ARHGAP32: variants seen among roughly 807,000 people sequenced by gnomAD.
ARHGAP32 encodes the protein Rho GTPase activating protein 32, also known as rho GTPase-activating protein 32.
In ARHGAP32, 51 loss-of-function variants were observed where a neutral mutation model predicts 186.5. The observed-to-expected ratio is 0.27, with a 90% CI of 0.22 to 0.35. The LOEUF (loss-of-function observed/expected upper bound fraction) is 0.35, where lower values mean the gene tolerates loss of function less well. Among genes scored for constraint, ARHGAP32 ranks in the 10% least tolerant of loss-of-function variants. ARHGAP32 has a pLI of 1.00. For missense variants in ARHGAP32, 2,186 were observed against 2,623.5 expected (o/e 0.83, Z 3.64); for synonymous variants, 950 against 964.3 (o/e 0.99, Z 0.27).
intron 1 of ARHGAP32, among the ~76,000 whole-genome samples, chr11:129,236,532 G>A (rs899804105): frequency 6.6e-6 from 1 of 152,104 alleles, no homozygotes; most frequent in African/African-American, 2.4e-5. Context: ...TCTGTTTGCT[G>A]ATTATTTCTT....
At chr11:129,022,279 T>C (rs1345536546) in intron 11 of ARHGAP32, among the ~76,000 whole-genome samples, 2 of 152,152 alleles carry the variant, frequency 1.3e-5, no homozygotes, top group Non-Finnish European at 2.9e-5. Flanking sequence ...TGTAATCACA[T>C]GTACTTTAAT....
intron 6 of ARHGAP32, among the ~76,000 whole-genome samples, chr11:129,070,755 C>T (rs144082425): frequency 2.0e-5 from 3 of 151,956 alleles, no homozygotes; most frequent in East Asian, 1.9e-4. Context: ...AAAATTGACA[C>T]GTTGTACCAA....
rs186658411 is a variant in ARHGAP32 at position 129,035,280 on chromosome 11, C to G, written c.1045+5648G>C. On this transcript the variant is annotated intron_variant, in intron 11 of 22. Transcript: ENST00000682385. The stretch of plus-strand genomic sequence containing the variant: ...TATGGTGATTAATTTTCTGTACACA[C>G]AAATAATTGAACATATTAATAACAT... 9.3e-4 allele frequency among the ~76,000 whole-genome samples: 141 copies of G among 152,090 alleles called. 1 individual carries two copies. Among genetic ancestry groups the G allele is most frequent in the Non-Finnish European group, 1.6e-3 (112 of 67,986 alleles).
intron 1 of ARHGAP32, among the ~76,000 whole-genome samples, chr11:129,229,139 T>C (rs149548999): frequency 3.3e-5 from 5 of 152,276 alleles, no homozygotes; most frequent in Admixed American, 2.0e-4. Flanking sequence ...AATACAATTA[T>C]CTTAACTGAA....
chr11:129,244,478 T>C (rs1945061319), intron 1 of ARHGAP32, among the ~76,000 whole-genome samples: 1 of 152,202 alleles, frequency 6.6e-6, no homozygotes. Flanking sequence ...TATAAAGCTA[T>C]CAATAATGTA....
At chr11:129,274,209 T>C (rs1000439994) in intron 1 of ARHGAP32, among the ~76,000 whole-genome samples, 3 of 152,180 alleles carry the variant, frequency 2.0e-5, no homozygotes, top group Non-Finnish European at 2.9e-5. Context: ...ATATCTACTT[T>C]ATAAAATCCT....
chr11:129,259,290 G>C (rs1945292742), intron 1 of ARHGAP32, among the ~76,000 whole-genome samples: 1 of 152,030 alleles, frequency 6.6e-6, no homozygotes, highest in African/African-American at 2.4e-5. Context: ...CTGAAATAAA[G>C]TCGTGTTTGG....
At chr11:129,267,178 G>A (rs952489272) in intron 1 of ARHGAP32, among the ~76,000 whole-genome samples, 10 of 152,244 alleles carry the variant, frequency 6.6e-5, no homozygotes, top group African/African-American at 2.2e-4. Flanking sequence ...TGGCCAACAT[G>A]GTGAAACCCC....
rs187320815 is a variant in ARHGAP32 at position 129,089,278 on chromosome 11, T to C, written c.531+4343A>G. ...GATAAACAATAAACCTTTGACTTCT[T>C]AGAATTTGTTTCTAGTGAGGAAAAC... On this transcript the variant is annotated intron_variant, in intron 6 of 22. Coordinates refer to ENST00000682385, the MANE Select transcript of ARHGAP32 (RefSeq NM_001378024.1). 2.6e-5 allele frequency among the ~76,000 whole-genome samples: 4 copies of C among 152,350 alleles called. No homozygotes were observed. In the East Asian group the frequency reaches 7.7e-4, roughly 29 times the overall value.
At chr11:129,000,311 CT>C (rs1246177205) in intron 11 of ARHGAP32, among the ~76,000 whole-genome samples, 2 of 152,094 alleles carry the variant, frequency 1.3e-5, no homozygotes, top group African/African-American at 4.8e-5. Flanking sequence ...TTAAAAATGA[CT>C]TTTGCTGAGA....
chr11:129,126,353 G>A (rs943223701), intron 2 of ARHGAP32, among the ~76,000 whole-genome samples: 22 of 152,162 alleles, frequency 1.4e-4, no homozygotes, highest in African/African-American at 5.3e-4. Context: ...GGTAAAGTTC[G>A]CAAACCCCTG....
intron 15 of ARHGAP32, 172 bp downstream of exon 15, chr11:128,985,829 TGC>T (rs1232496436): frequency 3.9e-4 from 54 of 140,076 alleles, no homozygotes; most frequent in African/African-American, 5.8e-4. Flanking sequence ...TGTGTGTGTG[TGC>T]GTGTGTGTGT....
intron 1 of ARHGAP32, among the ~76,000 whole-genome samples, chr11:129,175,167 CG>C (rs1943888012): frequency 1.0e-5 from 1 of 99,056 alleles, no homozygotes; most frequent in South Asian, 2.7e-4. Flanking sequence ...GGAGCTGATG[CG>C]ATCAACTGGA....
intron 6 of ARHGAP32, among the ~76,000 whole-genome samples, chr11:129,089,108 G>C (rs1418950313): frequency 6.6e-6 from 1 of 151,220 alleles, no homozygotes; most frequent in Non-Finnish European, 1.5e-5. Context: ...GATGCAGAAT[G>C]AGAAAAAAAT....
intron 2 of ARHGAP32, among the ~76,000 whole-genome samples, chr11:129,130,958 T>C (rs1942794125): frequency 6.6e-6 from 1 of 152,000 alleles, no homozygotes; most frequent in South Asian, 2.1e-4. Context: ...GCAGAATCAG[T>C]GAATAAATTA....
rs995581659 is a variant in ARHGAP32, at chr11:128,970,925, T to A, written c.4288A>T (p.Thr1430Ser). The change falls in exon 23 of 23, where the codon ACC (threonine) becomes TCC (serine). Residue 1430 changes from threonine to serine, a missense_variant. By Grantham distance (58) the Thr-to-Ser change is moderately conservative (BLOSUM62 1). This residue lies in a region of ARHGAP32 where 1,502 missense variants were observed against 1,570.0 expected (regional missense o/e 0.96). Transcript: ENST00000682385. This position sits in a 1 kb window ranked among gnomAD's most constrained non-coding sequence, Gnocchi z 5.8. ...ATCATCTTACTCTCCATCATCCTGG[T>A]GGGGGGCAGTGGTGCAGGAAAGCCA... ...PCGFPAPLPP[T>S]RMMESKMIAA... 6.2e-7 allele frequency: 1 copy of A among 1,613,762 alleles called. No individual in the cohort carries two copies. The highest frequency in any genetic ancestry group is 8.5e-7 in the Non-Finnish European group (1 of 1,179,924).
intron 1 of ARHGAP32, among the ~76,000 whole-genome samples, chr11:129,252,424 C>A (rs1435238448): frequency 3.9e-5 from 6 of 152,140 alleles, no homozygotes; most frequent in Admixed American, 3.3e-4. Context: ...TCCTTGAGAG[C>A]GGATTCCAAC....
At chr11:129,068,417 A>C (rs2135165268) in intron 6 of ARHGAP32, among the ~76,000 whole-genome samples, 1 of 152,090 alleles carries the variant, frequency 6.6e-6, no homozygotes, top group East Asian at 1.9e-4. Flanking sequence ...CAGTTCTATC[A>C]CTACCTTCTA....
intron 10 of ARHGAP32, among the ~76,000 whole-genome samples, chr11:129,052,781 T>C (rs1430871121): frequency 6.6e-6 from 1 of 152,204 alleles, no homozygotes; most frequent in Non-Finnish European, 1.5e-5. Flanking sequence ...CTGTGTATTT[T>C]AAATACATAA....
Sources: allele counts gnomAD v4.1 joint callset (sites outside exome capture counted in the v4.1 genomes callset), GRCh38; gene constraint gnomAD v4.1.1; regional missense constraint gnomAD v4.1.1; non-coding constraint Gnocchi (gnomAD v3.1); transcripts MANE v1.5; gene names NCBI Gene and HGNC (gene_info 2026-07-23, HGNC 2026-07-21).